The following GNA12 variants were observed in gnomAD, a reference collection of about 807,000 sequenced individuals.
The protein encoded by GNA12 is G protein subunit alpha 12, also known as guanine nucleotide-binding protein subunit alpha-12.
In GNA12, 9 loss-of-function variants were observed where a neutral mutation model predicts 26.0. The ratio of observed to expected loss-of-function variants is 0.35; its 90% CI spans 0.21 to 0.60. GNA12 has a LOEUF of 0.60. Ranked by LOEUF, GNA12 falls within the 20% of genes least tolerant of loss-of-function variation. The pLI is 0.78. For missense variants in GNA12, 405 were observed against 525.8 expected (o/e 0.77, Z 2.25); for synonymous variants, 264 against 219.6 (o/e 1.20, Z -1.79).
intron 2 of GNA12, among the ~76,000 whole-genome samples, chr7:2,765,434 C>G (rs1791763357): frequency 1.3e-5 from 2 of 152,074 alleles, no homozygotes; most frequent in African/African-American, 4.8e-5. Flanking sequence ...GCTGGGATTA[C>G]AGGCCTGAGC....
intron 2 of GNA12, among the ~76,000 whole-genome samples, chr7:2,758,546 C>T (rs1424662448): frequency 6.6e-6 from 1 of 151,984 alleles, no homozygotes; most frequent in Non-Finnish European, 1.5e-5. Context: ...TGTGATTGGG[C>T]GACTTTCAGC....
chr7:2,747,433 T>A (rs1173173094), intron 2 of GNA12, among the ~76,000 whole-genome samples: 2 of 152,162 alleles, frequency 1.3e-5, no homozygotes. Context: ...CATGACTATC[T>A]CAGTAGATGC....
intron 2 of GNA12, among the ~76,000 whole-genome samples, chr7:2,778,975 G>A (rs937572289): frequency 6.6e-6 from 1 of 152,196 alleles, no homozygotes; most frequent in Non-Finnish European, 1.5e-5. Flanking sequence ...TCAACTGTAA[G>A]CCTTCTTTCA....
At chr7:2,774,885 C>T (rs1035050241) in intron 2 of GNA12, among the ~76,000 whole-genome samples, 2 of 152,150 alleles carry the variant, frequency 1.3e-5, no homozygotes, top group East Asian at 1.9e-4. Flanking sequence ...TTGACTCATG[C>T]ACAGTGGTTG....
At chr7:2,816,957 GCT>G (rs1793232082) in intron 1 of GNA12, among the ~76,000 whole-genome samples, 1 of 152,134 alleles carries the variant, frequency 6.6e-6, no homozygotes, top group Non-Finnish European at 1.5e-5. Context: ...TGATGCCCCT[GCT>G]CTCATTCTTG....
At chr7:2,743,288 A>C (rs1186284383) in intron 2 of GNA12, among the ~76,000 whole-genome samples, 1 of 152,212 alleles carries the variant, frequency 6.6e-6, no homozygotes, top group Non-Finnish European at 1.5e-5. Flanking sequence ...ATGTCTGCTA[A>C]AGCAAAAATA....
intron 1 of GNA12, among the ~76,000 whole-genome samples, chr7:2,827,707 C>G (rs1424597940): frequency 6.6e-6 from 1 of 152,112 alleles, no homozygotes; most frequent in Non-Finnish European, 1.5e-5. Flanking sequence ...CAGAACCACT[C>G]AGAGAAAGGA....
intron 2 of GNA12, among the ~76,000 whole-genome samples, chr7:2,769,836 C>G (rs191393556): frequency 7.2e-5 from 11 of 152,242 alleles, no homozygotes; most frequent in African/African-American, 2.6e-4. Flanking sequence ...GTTTAAGATA[C>G]CCACTTCTTT....
chr7:2,796,929 T>C (rs1792691174), intron 1 of GNA12, among the ~76,000 whole-genome samples: 1 of 152,222 alleles, frequency 6.6e-6, no homozygotes, highest in African/African-American at 2.4e-5. Flanking sequence ...TGAGAACTTC[T>C]GTGTTCTTCT....
intron 2 of GNA12, among the ~76,000 whole-genome samples, chr7:2,750,966 A>G (rs1467384091): frequency 6.6e-6 from 1 of 152,248 alleles, no homozygotes; most frequent in Non-Finnish European, 1.5e-5. Context: ...CAGACATGCC[A>G]AAATCAAGAA....
At chr7:2,822,915 G>C (rs1400220829) in intron 1 of GNA12, among the ~76,000 whole-genome samples, 1 of 152,156 alleles carries the variant, frequency 6.6e-6, no homozygotes. Flanking sequence ...CCCCCTCCTA[G>C]ATGTGATAAA....
intron 2 of GNA12, among the ~76,000 whole-genome samples, chr7:2,739,086 G>C (rs757519472): frequency 5.3e-5 from 8 of 152,192 alleles, no homozygotes; most frequent in Admixed American, 5.2e-4. Context: ...TCCTCGGCGT[G>C]TGCAGGGTTG....
intron 2 of GNA12, among the ~76,000 whole-genome samples, chr7:2,776,610 C>T (rs549584230): frequency 1.4e-4 from 22 of 152,256 alleles, no homozygotes; most frequent in African/African-American, 4.6e-4. Context: ...GGTGTGACCA[C>T]ACAATTCTTG....
intron 1 of GNA12, among the ~76,000 whole-genome samples, chr7:2,812,695 T>TCACATCACATCACATCACATCA (rs920827670): frequency 6.6e-6 from 1 of 150,664 alleles, no homozygotes; most frequent in Non-Finnish European, 1.5e-5. Flanking sequence ...TCACATCACA[T>TCACATCACATCACATCACATCA]CAGGGGCTTT....
intron 1 of GNA12, among the ~76,000 whole-genome samples, chr7:2,818,739 GGTGA>G (rs1793272830): frequency 6.7e-6 from 1 of 149,858 alleles, no homozygotes; most frequent in African/African-American, 2.5e-5. Flanking sequence ...CTCCAGCGTG[GGTGA>G]CAGAGACCCT....
At chr7:2,831,128 C>A (rs141306678) in intron 1 of GNA12, among the ~76,000 whole-genome samples, 29 of 151,982 alleles carry the variant, frequency 1.9e-4, no homozygotes, top group East Asian at 1.7e-3. Flanking sequence ...GAGGCATCTG[C>A]TTTAACTAGT....
chr7:2,745,717 A>T (rs1790732289), intron 2 of GNA12, among the ~76,000 whole-genome samples: 1 of 152,248 alleles, frequency 6.6e-6, no homozygotes, highest in African/African-American at 2.4e-5. Context: ...TAAAAGACAC[A>T]GACTGGCAAA....
At chr7:2,743,693 C>G (rs1046695118) in intron 2 of GNA12, among the ~76,000 whole-genome samples, 1 of 152,132 alleles carries the variant, frequency 6.6e-6, no homozygotes, top group African/African-American at 2.4e-5. Flanking sequence ...GTGGGCGCAG[C>G]GCACTGTGCG....
At chr7:2,762,658 G>A (rs1376961550) in intron 2 of GNA12, 3 of 1,599,188 alleles carry the variant, frequency 1.9e-6, no homozygotes, top group Admixed American at 1.7e-5. Context: ...GCAGGACGAT[G>A]AGAGGATAAA....
Sources: gnomAD v4.1 joint callset for allele counts (sites outside exome capture counted in the v4.1 genomes callset) on GRCh38, gnomAD v4.1.1 for gene constraint, MANE v1.5 for transcripts, NCBI Gene and HGNC (gene_info 2026-07-23, HGNC 2026-07-21) for gene names.